CNN3: variants seen among roughly 807,000 people sequenced by gnomAD.
CNN3 encodes calponin-3.
Under a neutral mutation model 39.0 loss-of-function variants are expected in CNN3, and 11 were observed. The ratio of observed to expected loss-of-function variants is 0.28; its 90% confidence interval spans 0.18 to 0.47. The LOEUF (loss-of-function observed/expected upper bound fraction) is 0.47, where lower values mean the gene tolerates loss of function less well. CNN3 is among the 20% of genes least tolerant of loss of function. CNN3 has a pLI of 0.99. For synonymous variants in CNN3, 101 were observed against 138.3 expected (o/e 0.73, Z 1.89); for missense variants, 266 against 403.4 (o/e 0.66, Z 2.92).
At chr1:94,903,031 AACAC>A in intron 3 of CNN3, 87 bp downstream of exon 3, 1 of 971,186 alleles carries the variant, frequency 1.0e-6, no homozygotes, top group Admixed American at 2.9e-5. Context: ...AAAAAAAAAA[AACAC>A]AAAACCAAAA....
chr1:94,901,591 G>C, intron 5 of CNN3, 78 bp downstream of exon 5: 1 of 984,904 alleles, frequency 1.0e-6, no homozygotes, highest in Non-Finnish European at 1.6e-6. Flanking sequence ...TCTATTCTTA[G>C]GAGAGGCTTA....
chr1:94,926,922 C>A lies in CNN3; in HGVS notation c.-28G>T. ...TGGTTCGGGCGGCGGGAAGAGACAG[C>A]GCTGGGGTCCGGGGTCTCTCGCACT... On this transcript the variant is annotated 5_prime_UTR_variant, in exon 1 of 7. Coordinates refer to ENST00000370206, the MANE Select transcript of CNN3 (RefSeq NM_001839.5). This position sits in a 1 kb window ranked among gnomAD's most constrained non-coding sequence, Gnocchi z 4.2. 6.2e-7 allele frequency: 1 copy of A among 1,604,284 alleles called. No individual in the cohort carries two copies. Among genetic ancestry groups the A allele is most frequent in the African/African-American group, 1.4e-5 (1 of 73,778 alleles).
At chr1:94,908,811 G>C (rs1671084241) in intron 1 of CNN3, among the ~76,000 whole-genome samples, 1 of 151,634 alleles carries the variant, frequency 6.6e-6, no homozygotes, top group South Asian at 2.1e-4. Context: ...AAAGTGCTGG[G>C]ATTACGCCCA....
At chr1:94,917,899 C>A (rs1671325283) in intron 1 of CNN3, among the ~76,000 whole-genome samples, 1 of 152,204 alleles carries the variant, frequency 6.6e-6, no homozygotes, top group Admixed American at 6.5e-5. Flanking sequence ...GCAGAGATGA[C>A]TTGTCCAAAG....
chr1:94,917,651 G>A (rs1038540280), intron 1 of CNN3, among the ~76,000 whole-genome samples: 2 of 152,096 alleles, frequency 1.3e-5, no homozygotes, highest in African/African-American at 4.8e-5. Context: ...TACTTTTAAA[G>A]GAAATATCCA....
intron 1 of CNN3, among the ~76,000 whole-genome samples, chr1:94,914,483 C>T (rs1464738888): frequency 6.6e-6 from 1 of 152,160 alleles, no homozygotes; most frequent in Non-Finnish European, 1.5e-5. Flanking sequence ...CACCCGCATC[C>T]CCATGCTCCC....
At chr1:94,901,819 C>T (rs1490722640) in intron 4 of CNN3, 34 bp from the exon 5 acceptor site, 1 of 1,449,954 alleles carries the variant, frequency 6.9e-7, no homozygotes, top group South Asian at 1.2e-5. Flanking sequence ...CTGAAAAGGC[C>T]AACAGAGTTT....
At chr1:94,903,877 C>A (rs545689858) in intron 1 of CNN3, among the ~76,000 whole-genome samples, 1 of 152,240 alleles carries the variant, frequency 6.6e-6, no homozygotes, top group African/African-American at 2.4e-5. Flanking sequence ...TCATTAATCA[C>A]CCTATTCCAA....
At chr1:94,907,575 T>C (rs1671035290) in intron 1 of CNN3, among the ~76,000 whole-genome samples, 1 of 152,204 alleles carries the variant, frequency 6.6e-6, no homozygotes, top group Non-Finnish European at 1.5e-5. Flanking sequence ...AAATTACTCT[T>C]CCTGACAGGG....
intron 5 of CNN3, 21 bp downstream of exon 5, chr1:94,901,648 A>T: frequency 6.7e-7 from 1 of 1,492,924 alleles, no homozygotes; most frequent in South Asian, 1.1e-5. Flanking sequence ...GTAATTGAAT[A>T]AGCAACACCA....
chr1:94,914,250 C>G (rs1002158206), intron 1 of CNN3, among the ~76,000 whole-genome samples: 1 of 152,156 alleles, frequency 6.6e-6, no homozygotes, highest in Admixed American at 6.5e-5. Flanking sequence ...TCCATAACGA[C>G]AAGGCACATG....
rs1225017186 is a variant in CNN3, at chr1:94,897,847, G to A, written c.885C>T (p.Ile295=). 8.7e-6 allele frequency: 14 copies of A among 1,614,124 alleles called. No individual in the cohort carries two copies. Among genetic ancestry groups the A allele is most frequent in the Non-Finnish European group, 1.2e-5 (14 of 1,180,002 alleles). Residue 295 remains isoleucine, a synonymous_variant, in exon 7 of 7, where the codon ATC becomes ATT. Coordinates refer to ENST00000370206, the MANE Select transcript of CNN3 (RefSeq NM_001839.5). ...SQGTGTNGSE[I]SDSDYQAEYP... Reference sequence around the variant, plus strand: ...ATTCTGCCTGATAATCACTATCACTGATTTCCGAACCATTTGTTCCTGTTC... The same window carrying A: ...ATTCTGCCTGATAATCACTATCACTAATTTCCGAACCATTTGTTCCTGTTC...
intron 1 of CNN3, among the ~76,000 whole-genome samples, chr1:94,913,386 C>G (rs1044308965): frequency 6.6e-6 from 1 of 152,204 alleles, no homozygotes; most frequent in Non-Finnish European, 1.5e-5. Flanking sequence ...TTTGACAAAG[C>G]AAGGATTAGA....
chr1:94,902,324 C>T (rs1670890536), intron 3 of CNN3, 66 bp from the exon 4 acceptor site: 1 of 1,454,746 alleles, frequency 6.9e-7, no homozygotes. Flanking sequence ...TCTAAGAATT[C>T]CAAGTCTTCA....
intron 1 of CNN3, among the ~76,000 whole-genome samples, chr1:94,907,757 G>A: frequency 6.6e-6 from 1 of 152,232 alleles, no homozygotes; most frequent in East Asian, 1.9e-4. Context: ...CTACTTGGGA[G>A]GCTGAGGCAG....
chr1:94,919,911 C>T (rs1291049200), intron 1 of CNN3, among the ~76,000 whole-genome samples: 2 of 152,022 alleles, frequency 1.3e-5, no homozygotes, highest in Non-Finnish European at 2.9e-5. Flanking sequence ...CATTAGTCTT[C>T]TCCACTCAAG....
At chr1:94,899,981 A>G (rs1203630795) in intron 5 of CNN3, among the ~76,000 whole-genome samples, 2 of 152,214 alleles carry the variant, frequency 1.3e-5, no homozygotes, top group African/African-American at 4.8e-5. Flanking sequence ...TAAAGTTTCA[A>G]AATCACCAAC....
In CNN3 at chr1:94,904,564, T is replaced by C. The variant is rs115283475; in HGVS notation, c.58-1040A>G. On this transcript the variant is annotated intron_variant, in intron 1 of 6. Transcript: ENST00000370206. ...GAGTTCGAGACTAGCCTGCACAACATTGAGAGACCTTGTCTCTACTAAAAA... is the reference window on the plus strand; with the variant it reads ...GAGTTCGAGACTAGCCTGCACAACACTGAGAGACCTTGTCTCTACTAAAAA... Among the ~76,000 whole-genome samples, 1,217 of 152,138 alleles carry C rather than the reference T, an allele frequency of 8.0e-3. 14 individuals are homozygous for C. Among genetic ancestry groups the C allele is most frequent in the Non-Finnish European group, 0.013 (888 of 67,992 alleles).
chr1:94,913,052 T>A (rs1671204293), intron 1 of CNN3, among the ~76,000 whole-genome samples: 1 of 152,176 alleles, frequency 6.6e-6, no homozygotes, highest in Admixed American at 6.5e-5. Context: ...TTGGCATACT[T>A]ATTAAGGAAA....
Sources: gnomAD v4.1 joint callset for allele counts (sites outside exome capture counted in the v4.1 genomes callset) on GRCh38, gnomAD v4.1.1 for gene constraint, Gnocchi (gnomAD v3.1) non-coding constraint, MANE v1.5 for transcripts, NCBI Gene and HGNC (gene_info 2026-07-23, HGNC 2026-07-21) for gene names.